KPNA4: variants seen among roughly 807,000 people sequenced by gnomAD.
The protein encoded by KPNA4 is karyopherin subunit alpha 4.
A neutral mutation model predicts 71.3 loss-of-function variants in KPNA4; 13 were observed. That is an observed-to-expected ratio of 0.18 (90% CI 0.12 to 0.29). KPNA4 has a LOEUF of 0.29. Ranked by LOEUF, KPNA4 falls within the 10% of genes least tolerant of loss-of-function variation. The pLI, the probability that KPNA4 is intolerant of heterozygous loss-of-function variation, is 1.00. For synonymous variants in KPNA4, 189 were observed against 195.2 expected (o/e 0.97, Z 0.26); for missense variants, 334 against 603.2 (o/e 0.55, Z 4.67).
chr3:160,510,003 T>A (rs1399581989), intron 13 of KPNA4, 132 bp from the exon 14 acceptor site: 1 of 655,708 alleles, frequency 1.5e-6, no homozygotes, highest in Non-Finnish European at 2.7e-6. Flanking sequence ...TATCATTTTT[T>A]CTTATTAAGA....
In KPNA4 at chr3:160,525,994, T is replaced by C; in HGVS notation, c.670A>G (p.Met224Val). ...ITFLRNVTWV[M>V]VNLCRHKDPP... ...TCTTTGTGGCGACATAAGTTGACCA[T>C]AACCCAAGTAACATTTCTTAAGAAT... Residue 224 changes from methionine (M) to valine (V), a missense_variant, in exon 9 of 17, where the codon ATG becomes GTG. By Grantham distance (21) the Met-to-Val change is conservative. Coordinates refer to ENST00000334256, the MANE Select transcript of KPNA4 (RefSeq NM_002268.5). 1.2e-6 allele frequency: 2 copies of C among 1,601,386 alleles called. No homozygotes were observed. The highest frequency in any genetic ancestry group is 8.5e-7 in the Non-Finnish European group (1 of 1,174,850).
intron 1 of KPNA4, among the ~76,000 whole-genome samples, chr3:160,545,337 TCACCCAA>T (rs1044234826): frequency 4.6e-5 from 7 of 152,226 alleles, no homozygotes; most frequent in African/African-American, 1.4e-4. Context: ...AGGAAACCAT[TCACCCAA>T]CACATGTTTA....
intron 1 of KPNA4, among the ~76,000 whole-genome samples, chr3:160,539,184 C>T (rs1721749853): frequency 6.6e-6 from 1 of 152,158 alleles, no homozygotes; most frequent in African/African-American, 2.4e-5. Context: ...CTCTCTCTCT[C>T]TCTTCCCTGC....
In KPNA4 at chr3:160,497,851, A is replaced by T. The variant is rs1284356113; in HGVS notation, c.*4253T>A. On this transcript the variant is annotated 3_prime_UTR_variant, in exon 17 of 17. Coordinates refer to ENST00000334256, the MANE Select transcript of KPNA4 (RefSeq NM_002268.5). Reference sequence around the variant, plus strand: ...ATTAAAGTTGGCCTATTTATAGTTCACTTTAATAGCTACAATGGAAGATTC... The same window carrying T: ...ATTAAAGTTGGCCTATTTATAGTTCTCTTTAATAGCTACAATGGAAGATTC... 5.9e-5 allele frequency: 9 copies of T among 152,330 alleles called. No individual in the cohort carries two copies. The East Asian group carries it at 1.5e-3, about 26-fold the overall frequency. The allele number at this position is 152,330 out of a possible 1,614,324, so 9.4% of individuals were successfully genotyped here.
chr3:160,552,983 TTTA>T (rs981058521), intron 1 of KPNA4, among the ~76,000 whole-genome samples: 2 of 151,990 alleles, frequency 1.3e-5, no homozygotes, highest in Non-Finnish European at 2.9e-5. Flanking sequence ...ATTGATTTAC[TTTA>T]TTATTATTAT....
intron 11 of KPNA4, among the ~76,000 whole-genome samples, chr3:160,518,253 G>A (rs919885493): frequency 2.1e-4 from 31 of 150,898 alleles, no homozygotes; most frequent in Non-Finnish European, 3.4e-4. Flanking sequence ...TCAGCCTCCC[G>A]AGTAGCTGAG....
chr3:160,535,892 T>C lies in KPNA4; in HGVS notation c.120A>G (p.Lys40=), dbSNP rs767062989. The change falls in exon 3 of 17, where the codon AAA becomes AAG. Residue 40 remains lysine, a synonymous_variant. Coordinates refer to ENST00000334256, the MANE Select transcript of KPNA4 (RefSeq NM_002268.5). ...TTCTCTTTAAGAGATGTTCATCTCT[T>C]TTATTCTTAAAAAAAAAAAAAAAAA... ...NEVVVELRKN[K]RDEHLLKRRN... 5.6e-5 allele frequency: 69 copies of C among 1,225,086 alleles called. No homozygotes were observed. The highest frequency in any genetic ancestry group is 3.2e-4 in the Middle Eastern group (1 of 3,156). The allele number at this position is 1,225,086 out of a possible 1,614,324, so 75.9% of individuals were successfully genotyped here.
chr3:160,522,084 C>A (rs1439537634), intron 10 of KPNA4, among the ~76,000 whole-genome samples, 174 bp from the exon 11 acceptor site: 1 of 152,226 alleles, frequency 6.6e-6, no homozygotes, highest in Non-Finnish European at 1.5e-5. Flanking sequence ...CTATAAATGT[C>A]TGTACTAAGA....
At position 160,565,445 on chromosome 3, in the gene KPNA4, T is replaced by C. The variant is rs1722331450; in HGVS notation, c.-163A>G. ...ACCTGCCTCCGCCGCGGCCTTCTCCTCTCCCCGCCCGCCCCCCCGCCCTAA... is the reference window on the plus strand; with the variant it reads ...ACCTGCCTCCGCCGCGGCCTTCTCCCCTCCCCGCCCGCCCCCCCGCCCTAA... On this transcript the variant is annotated 5_prime_UTR_variant, in exon 1 of 17. Transcript: ENST00000334256. 1 of 598,314 alleles carries C rather than the reference T, an allele frequency of 1.7e-6. No individual in the cohort carries two copies. The highest frequency in any genetic ancestry group is 2.9e-6 in the Non-Finnish European group (1 of 341,784). 37.1% of individuals were successfully genotyped at this position (598,314 alleles called of 1,614,324 possible).
chr3:160,507,358 G>C (rs981429597), intron 15 of KPNA4, among the ~76,000 whole-genome samples: 3 of 152,024 alleles, frequency 2.0e-5, no homozygotes, highest in Admixed American at 2.0e-4. Context: ...AAATTAGCTG[G>C]GCGTGGTGGC....
intron 7 of KPNA4, among the ~76,000 whole-genome samples, 177 bp downstream of exon 7, chr3:160,530,678 A>T (rs1438351802): frequency 6.6e-6 from 1 of 152,236 alleles, no homozygotes; most frequent in Non-Finnish European, 1.5e-5. Flanking sequence ...AATACAAAAA[A>T]CATCAGTCAC....
chr3:160,515,631 T>C (rs1417543989), intron 11 of KPNA4, 51 bp from the exon 12 acceptor site: 2 of 1,574,404 alleles, frequency 1.3e-6, no homozygotes, highest in African/African-American at 2.7e-5. Context: ...TTTTTTTTTT[T>C]TGAGACAAGG....
chr3:160,533,910 C>A (rs187883802), intron 5 of KPNA4, among the ~76,000 whole-genome samples: 1 of 152,284 alleles, frequency 6.6e-6, no homozygotes, highest in Admixed American at 6.5e-5. Context: ...CCAAAACTAT[C>A]CAATATTCAA....
chr3:160,529,778 G>GA (rs113457377), intron 7 of KPNA4, among the ~76,000 whole-genome samples: 2,920 of 150,466 alleles, frequency 0.019, 95 homozygotes, highest in African/African-American at 0.066. Context: ...TAATAACAAT[G>GA]AAAAAAAAAT....
At chr3:160,538,901 T>C (rs184169979) in intron 1 of KPNA4, among the ~76,000 whole-genome samples, 1 of 152,326 alleles carries the variant, frequency 6.6e-6, no homozygotes, top group East Asian at 1.9e-4. Flanking sequence ...TTACTAGCTC[T>C]CTGCACTTCA....
intron 5 of KPNA4, among the ~76,000 whole-genome samples, chr3:160,534,529 C>T (rs933306664): frequency 1.3e-5 from 2 of 151,048 alleles, no homozygotes; most frequent in East Asian, 2.0e-4. Context: ...ACCAGCCTGG[C>T]CAAGATGGTG....
chr3:160,517,313 C>G (rs1452614322), intron 11 of KPNA4, among the ~76,000 whole-genome samples: 2 of 152,044 alleles, frequency 1.3e-5, no homozygotes, highest in African/African-American at 2.4e-5. Flanking sequence ...TTTTCATGAC[C>G]AAATAATATT....
Position 160,509,783 on chromosome 3 carries a change from T to TA in KPNA4, c.1209+16dup. The TA allele has an allele frequency of 6.6e-7, 1 of 1,515,552 alleles. No homozygotes were observed. Among genetic ancestry groups the TA allele is most frequent in the Non-Finnish European group, 9.2e-7 (1 of 1,091,086 alleles). The allele number at this position is 1,515,552 out of a possible 1,614,324, so 93.9% of individuals were successfully genotyped here. A position where few individuals can be genotyped will look rare whatever the true frequency, so the allele number is the denominator to read the frequency against. On this transcript the variant is annotated intron_variant, in intron 14 of 16. Coordinates refer to ENST00000334256, the MANE Select transcript of KPNA4 (RefSeq NM_002268.5). ...TTTACCAGTTTTGAGAAATAAATTTTAAAAAGCTCAACTTACTTGATCTTT... is the reference window on the plus strand; with the variant it reads ...TTTACCAGTTTTGAGAAATAAATTTTAAAAAAGCTCAACTTACTTGATCTTT...
At position 160,535,682 on chromosome 3, in the gene KPNA4, G is replaced by C. The variant is rs775908599; in HGVS notation, c.213C>G (p.Thr71=). 8 of 1,567,086 alleles carry C rather than the reference G, an allele frequency of 5.1e-6. No homozygotes were observed. In the African/African-American group the frequency reaches 1.1e-4, roughly 22 times the overall value. ...DIDGDYRVQN[T]SLEAIVQNAS... ...TTACTTGAACAATAGCTTCTAGAGA[G>C]GTATTTTGCTGGGAAAAAAGTTAAA... The change falls in exon 4 of 17, where the codon ACC becomes ACG. Residue 71 remains threonine (T), a synonymous_variant. Coordinates refer to ENST00000334256, the MANE Select transcript of KPNA4 (RefSeq NM_002268.5).
Sources: gnomAD v4.1 joint callset for allele counts (sites outside exome capture counted in the v4.1 genomes callset) on GRCh38, gnomAD v4.1.1 for gene constraint, MANE v1.5 for transcripts, NCBI Gene and HGNC (gene_info 2026-07-23, HGNC 2026-07-21) for gene names.